Variants in RBFOX1 observed in about 807,000 individuals in gnomAD.
RBFOX1 encodes RNA binding fox-1 homolog 1.
RBFOX1 carries 8 observed loss-of-function variants against 57.7 expected under a neutral mutation model. The ratio of observed to expected loss-of-function variants is 0.14; its 90% confidence interval spans 0.08 to 0.25. The LOEUF (loss-of-function observed/expected upper bound fraction) is 0.25. RBFOX1 is among the 10% of genes least tolerant of loss of function. The pLI is 1.00. For synonymous variants in RBFOX1, 326 were observed against 222.4 expected (o/e 1.47, Z -4.15); for missense variants, 611 against 548.5 (o/e 1.11, Z -1.14).
intron 3 of RBFOX1, among the ~76,000 whole-genome samples, chr16:7,036,933 C>G (rs2044648411): frequency 1.3e-5 from 2 of 152,124 alleles, no homozygotes; most frequent in South Asian, 2.1e-4. Flanking sequence ...ACATGCTAAA[C>G]AAGGAGTAGA....
intron 2 of RBFOX1, among the ~76,000 whole-genome samples, chr16:6,385,223 A>G (rs2092165246): frequency 6.6e-6 from 1 of 152,238 alleles, no homozygotes; most frequent in Non-Finnish European, 1.5e-5. Context: ...TATTTAAATA[A>G]TGGAAACAGG....
At chr16:5,526,228 C>T (rs998513234) in intron 2 of RBFOX1, among the ~76,000 whole-genome samples, 1 of 152,132 alleles carries the variant, frequency 6.6e-6, no homozygotes, top group Non-Finnish European at 1.5e-5. Flanking sequence ...GCCCTCCTTT[C>T]CAAGATCTTT....
At chr16:5,500,646 A>G (rs1418204663) in intron 2 of RBFOX1, among the ~76,000 whole-genome samples, 2 of 152,146 alleles carry the variant, frequency 1.3e-5, no homozygotes, top group African/African-American at 2.4e-5. Flanking sequence ...ATCCAGACAC[A>G]CCATCCTCAG....
chr16:7,453,581 T>C (rs2057846013), intron 4 of RBFOX1, among the ~76,000 whole-genome samples: 1 of 152,170 alleles, frequency 6.6e-6, no homozygotes, highest in Non-Finnish European at 1.5e-5. Flanking sequence ...AGAAAACAAA[T>C]GGCACTTTGA....
At chr16:6,299,412 A>G (rs1176295112) in intron 1 of RBFOX1, among the ~76,000 whole-genome samples, 1 of 152,200 alleles carries the variant, frequency 6.6e-6, no homozygotes, top group African/African-American at 2.4e-5. Flanking sequence ...GAGTGGCAGT[A>G]TCATGACTTC....
At chr16:7,149,088 G>C (rs1045746964) in intron 4 of RBFOX1, among the ~76,000 whole-genome samples, 1 of 152,132 alleles carries the variant, frequency 6.6e-6, no homozygotes, top group Non-Finnish European at 1.5e-5. Context: ...CTTTCTCACA[G>C]TGGGAGACAG....
At chr16:6,409,045 T>C (rs2093374900) in intron 2 of RBFOX1, among the ~76,000 whole-genome samples, 1 of 152,218 alleles carries the variant, frequency 6.6e-6, no homozygotes. Flanking sequence ...ATTTTATAAA[T>C]ATCTGTGACT....
At chr16:5,803,896 C>T (rs1307476417) in intron 3 of RBFOX1, among the ~76,000 whole-genome samples, 2 of 152,278 alleles carry the variant, frequency 1.3e-5, no homozygotes, top group Admixed American at 6.5e-5. Context: ...ACTTCCACAC[C>T]TTTGCATATA....
Position 5,509,642 on chromosome 16 carries a change from C to T in RBFOX1, c.258+42388C>T, listed in dbSNP as rs75741594. ...TCCTCATTTTCCAGGGAAGGCATTTCCAGTATCACCACGCAGACAGTGGAT... is the reference window on the plus strand; with the variant it reads ...TCCTCATTTTCCAGGGAAGGCATTTTCAGTATCACCACGCAGACAGTGGAT... On this transcript the variant is annotated intron_variant, in intron 2 of 2. Transcript: ENST00000585867. Among the ~76,000 whole-genome samples the T allele has an allele frequency of 5.4e-3, 821 of 152,266 alleles. 16 individuals are homozygous for T. The East Asian group carries it at 0.058, about 11-fold the overall frequency.
intron 3 of RBFOX1, among the ~76,000 whole-genome samples, chr16:6,885,996 G>C (rs1437523527): frequency 4.6e-5 from 7 of 151,736 alleles, no homozygotes; most frequent in Non-Finnish European, 1.0e-4. Context: ...CTTGAGAAAA[G>C]TGAAAGTTAT....
intron 2 of RBFOX1, among the ~76,000 whole-genome samples, chr16:6,631,509 C>T (rs2098384610): frequency 1.3e-5 from 2 of 151,896 alleles, no homozygotes; most frequent in Non-Finnish European, 2.9e-5. Context: ...CCATTCGCTC[C>T]TGAACAAATA....
intron 4 of RBFOX1, among the ~76,000 whole-genome samples, chr16:7,256,636 A>C (rs745975549): frequency 1.5e-4 from 23 of 152,016 alleles, no homozygotes; most frequent in Non-Finnish European, 2.9e-4. Flanking sequence ...TCATATCTAA[A>C]ATTTCTTACC....
At chr16:7,004,748 G>A (rs1184432358) in intron 3 of RBFOX1, among the ~76,000 whole-genome samples, 1 of 152,216 alleles carries the variant, frequency 6.6e-6, no homozygotes, top group Non-Finnish European at 1.5e-5. Context: ...AGAAGTAGCT[G>A]TGAGACACCA....
chr16:6,758,593 C>A (rs1412398621), intron 3 of RBFOX1, among the ~76,000 whole-genome samples: 3 of 152,148 alleles, frequency 2.0e-5, no homozygotes, highest in Non-Finnish European at 4.4e-5. Context: ...TACCAAGCAA[C>A]TACATTTGAT....
chr16:6,636,923 T>C (rs1456453925), intron 2 of RBFOX1, among the ~76,000 whole-genome samples: 9 of 124,684 alleles, frequency 7.2e-5, no homozygotes, highest in Admixed American at 1.8e-4. Flanking sequence ...TATGTATAAA[T>C]TATGTATAAA....
At chr16:7,096,970 GT>G (rs2061809313) in intron 4 of RBFOX1, among the ~76,000 whole-genome samples, 1 of 146,222 alleles carries the variant, frequency 6.8e-6, no homozygotes, top group Non-Finnish European at 1.5e-5. Context: ...GAATAGGGAA[GT>G]GGTGGTTTCC....
rs77759240 is a variant in RBFOX1, at chr16:6,197,725, G to A, written c.-126-119270G>A. 5.3e-5 allele frequency among the ~76,000 whole-genome samples: 8 copies of A among 151,820 alleles called. No homozygotes were observed. In the East Asian group the frequency reaches 1.6e-3, roughly 29 times the overall value. ...TCATGTCATGGGGATTCGTTGTACA[G>A]ATTATTGCGTCACCCAGGTATTAAG... On this transcript the variant is annotated intron_variant, in intron 1 of 15. Coordinates refer to ENST00000550418, the MANE Select transcript of RBFOX1 (RefSeq NM_018723.4).
At chr16:7,380,411 A>G (rs2097765544) in intron 4 of RBFOX1, among the ~76,000 whole-genome samples, 1 of 151,916 alleles carries the variant, frequency 6.6e-6, no homozygotes, top group South Asian at 2.1e-4. Context: ...AAATGACTTT[A>G]TGTCTATGAC....
chr16:6,279,343 G>A (rs952889064), intron 1 of RBFOX1, among the ~76,000 whole-genome samples: 4 of 152,168 alleles, frequency 2.6e-5, no homozygotes, highest in African/African-American at 9.7e-5. Context: ...AAGTGCCAAG[G>A]CTGGTGGTGA....
Sources: allele counts gnomAD v4.1 joint callset (sites outside exome capture counted in the v4.1 genomes callset), GRCh38; gene constraint gnomAD v4.1.1; transcripts MANE v1.5; gene names NCBI Gene and HGNC (gene_info 2026-07-23, HGNC 2026-07-21).